Variants in STK33 observed in about 807,000 individuals in gnomAD.
STK33 encodes serine/threonine-protein kinase 33.
A neutral mutation model predicts 58.0 loss-of-function variants in STK33; 52 were observed. The ratio of observed to expected loss-of-function variants is 0.90; its 90% CI spans 0.72 to 1.13. STK33 has a LOEUF of 1.13. STK33 is among the 50% of genes most tolerant of loss of function. STK33 has a pLI of 0.00. For synonymous variants in STK33, 215 were observed against 200.1 expected (o/e 1.07, Z -0.63); for missense variants, 630 against 604.2 (o/e 1.04, Z -0.45).
At chr11:8,499,974 A>G (rs1188121251) in intron 1 of STK33, among the ~76,000 whole-genome samples, 1 of 152,110 alleles carries the variant, frequency 6.6e-6, no homozygotes, top group African/African-American at 2.4e-5. Flanking sequence ...AATGTAGATG[A>G]TGGGTTGATG....
At chr11:8,588,862 G>C (rs1419930059) in intron 1 of STK33, among the ~76,000 whole-genome samples, 1 of 152,010 alleles carries the variant, frequency 6.6e-6, no homozygotes, top group Non-Finnish European at 1.5e-5. Flanking sequence ...TATTTGAATA[G>C]GTATTTCTCC....
intron 1 of STK33, among the ~76,000 whole-genome samples, chr11:8,559,844 T>C (rs1957004475): frequency 6.6e-6 from 1 of 152,150 alleles, no homozygotes; most frequent in African/African-American, 2.4e-5. Context: ...TCTTTGCATA[T>C]ACACAGCCTA....
At chr11:8,510,317 T>C (rs1390421495) in intron 1 of STK33, among the ~76,000 whole-genome samples, 1 of 152,222 alleles carries the variant, frequency 6.6e-6, no homozygotes, top group Admixed American at 6.5e-5. Context: ...AATTGTCTAT[T>C]CATGTCCTTT....
the STK33 span, among the ~76,000 whole-genome samples, chr11:8,381,460 C>T: frequency 2.0e-5 from 3 of 152,158 alleles, no homozygotes; most frequent in Non-Finnish European, 4.4e-5. Context: ...GGGACAGCTG[C>T]TGGGGCTGTG....
the STK33 span, among the ~76,000 whole-genome samples, chr11:8,349,034 C>T: frequency 1.3e-5 from 2 of 152,234 alleles, no homozygotes; most frequent in South Asian, 2.1e-4. Context: ...CCGTGCCCAG[C>T]TGTGGAGCAC....
chr11:8,572,593 T>C (rs1957901426), intron 1 of STK33, among the ~76,000 whole-genome samples: 1 of 152,160 alleles, frequency 6.6e-6, no homozygotes, highest in Non-Finnish European at 1.5e-5. Context: ...TATTTTATTT[T>C]ATTTTTTTAG....
chr11:8,429,594 G>A (rs1943170618), intron 14 of STK33, among the ~76,000 whole-genome samples: 1 of 151,852 alleles, frequency 6.6e-6, no homozygotes, highest in African/African-American at 2.4e-5. Context: ...TCTTACCCCA[G>A]TCCTACTTCA....
At chr11:8,480,043 T>C (rs1231403768) in intron 2 of STK33, among the ~76,000 whole-genome samples, 1 of 152,172 alleles carries the variant, frequency 6.6e-6, no homozygotes, top group Non-Finnish European at 1.5e-5. Context: ...GGGGATCATA[T>C]GGAGAAGAGA....
At chr11:8,512,545 G>C (rs903616938) in intron 1 of STK33, among the ~76,000 whole-genome samples, 1 of 152,180 alleles carries the variant, frequency 6.6e-6, no homozygotes, top group African/African-American at 2.4e-5. Flanking sequence ...CCTAAGGCAA[G>C]AGTGTTTGTG....
At chr11:8,389,294 G>A (rs1430566318), downstream of STK33, among the ~76,000 whole-genome samples, 2 of 152,238 alleles carry the variant, frequency 1.3e-5, no homozygotes, top group Non-Finnish European at 2.9e-5. Flanking sequence ...AGAGCAGGGA[G>A]GCACTCGGGA....
At chr11:8,348,688 AC>A in the STK33 span, among the ~76,000 whole-genome samples, 13 of 152,172 alleles carry the variant, frequency 8.5e-5, no homozygotes, top group Non-Finnish European at 1.6e-4. Flanking sequence ...AGCTTTAGGA[AC>A]TTAGAAAACC....
chr11:8,523,658 G>T (rs1953739496), intron 1 of STK33, among the ~76,000 whole-genome samples: 1 of 151,074 alleles, frequency 6.6e-6, no homozygotes, highest in South Asian at 2.1e-4. Flanking sequence ...AGTCCGGGAG[G>T]TGGGGGGCAG....
the STK33 span, among the ~76,000 whole-genome samples, chr11:8,376,412 G>A: frequency 3.9e-5 from 6 of 152,162 alleles, no homozygotes; most frequent in Admixed American, 1.3e-4. Context: ...GAAGGCAGAC[G>A]GCTTAAGACA....
chr11:8,413,807 A>T, intron 14 of STK33, 115 bp from the exon 15 acceptor site: 1 of 906,448 alleles, frequency 1.1e-6, no homozygotes. Flanking sequence ...GGAAAAGATT[A>T]TAATGCTGAA....
the STK33 span, among the ~76,000 whole-genome samples, chr11:8,349,721 T>C: frequency 1.3e-4 from 20 of 152,200 alleles, no homozygotes; most frequent in African/African-American, 4.8e-4. Flanking sequence ...TTAGGAAGCA[T>C]GATCATGTCC....
At chr11:8,374,721 G>T in the STK33 span, among the ~76,000 whole-genome samples, 1 of 152,194 alleles carries the variant, frequency 6.6e-6, no homozygotes, top group African/African-American at 2.4e-5. Context: ...ATTTGGAGGA[G>T]GGGACACAAA....
intron 9 of STK33, among the ~76,000 whole-genome samples, chr11:8,456,537 T>C (rs549880247): frequency 5.9e-5 from 9 of 152,154 alleles, no homozygotes; most frequent in Non-Finnish European, 1.2e-4. Context: ...AACCACTGGG[T>C]TCCAGTACCA....
chr11:8,444,330 C>A (rs763461397), intron 11 of STK33, among the ~76,000 whole-genome samples: 1 of 152,120 alleles, frequency 6.6e-6, no homozygotes, highest in Non-Finnish European at 1.5e-5. Flanking sequence ...TAAACACTTC[C>A]TATCACCCTT....
At chr11:8,520,252 A>G (rs1449251074) in intron 1 of STK33, among the ~76,000 whole-genome samples, 4 of 152,256 alleles carry the variant, frequency 2.6e-5, no homozygotes, top group Admixed American at 6.5e-5. Context: ...CCACATGATT[A>G]TCTCAAAAGA....
Sources: gnomAD v4.1 joint callset for allele counts (sites outside exome capture counted in the v4.1 genomes callset) on GRCh38, gnomAD v4.1.1 for gene constraint, MANE v1.5 for transcripts, NCBI Gene and HGNC (gene_info 2026-07-23, HGNC 2026-07-21) for gene names.